The following CBFA2T3 variants were observed in gnomAD, a reference collection of about 807,000 sequenced individuals.
The protein encoded by CBFA2T3 is CBFA2/RUNX1 partner transcriptional co-repressor 3.
CBFA2T3 carries 31 observed loss-of-function variants against 58.6 expected under a neutral mutation model. The ratio of observed to expected loss-of-function variants is 0.53; its 90% CI spans 0.40 to 0.71. The LOEUF (loss-of-function observed/expected upper bound fraction) is 0.71, where lower values mean the gene tolerates loss of function less well. Ranked by LOEUF, CBFA2T3 falls within the 30% of genes least tolerant of loss-of-function variation. The probability of loss-of-function intolerance (pLI) is 0.00; values close to 1 mark genes in which losing one functional copy is unlikely to be tolerated. For missense variants in CBFA2T3, 1,076 were observed against 963.1 expected, an observed-to-expected ratio of 1.12 and a Z score of -1.55; for synonymous variants, 531 against 421.9, an observed-to-expected ratio of 1.26 and a Z score of -3.17.
At chr16:88,907,645 C>T (rs1970383461) in intron 1 of CBFA2T3, among the ~76,000 whole-genome samples, 1 of 152,214 alleles carries the variant, frequency 6.6e-6, no homozygotes, top group Admixed American at 6.5e-5. Flanking sequence ...CCCTTCCCCA[C>T]TGGCCACAGA....
intron 3 of CBFA2T3, among the ~76,000 whole-genome samples, 170 bp downstream of exon 3, chr16:88,897,908 C>T (rs1263067830): frequency 6.6e-6 from 1 of 152,190 alleles, no homozygotes; most frequent in African/African-American, 2.4e-5. Flanking sequence ...CTCTGCCCTC[C>T]TGCGCCCTCT....
chr16:88,926,095 G>A (rs935001959), intron 1 of CBFA2T3, among the ~76,000 whole-genome samples: 6 of 152,150 alleles, frequency 3.9e-5, no homozygotes, highest in Admixed American at 2.0e-4. Context: ...GCGGTCTCAC[G>A]TTCCCCACCT....
chr16:88,965,079 C>G (rs1972464830), intron 1 of CBFA2T3, among the ~76,000 whole-genome samples: 1 of 151,770 alleles, frequency 6.6e-6, no homozygotes. Flanking sequence ...ATCTATCCAC[C>G]CACCCATCTA....
intron 3 of CBFA2T3, among the ~76,000 whole-genome samples, chr16:88,893,682 C>G (rs1178335996): frequency 2.0e-5 from 3 of 152,236 alleles, no homozygotes; most frequent in African/African-American, 7.2e-5. Flanking sequence ...GCCACTGAGA[C>G]GTGACTGCCT....
intron 1 of CBFA2T3, among the ~76,000 whole-genome samples, chr16:88,964,521 G>A (rs12918185): frequency 0.15 from 22,902 of 152,202 alleles, 1,971 homozygotes; most frequent in Middle Eastern, 0.26. Flanking sequence ...GTCAGGTTCC[G>A]TGTGGCTTTC....
intron 3 of CBFA2T3, among the ~76,000 whole-genome samples, chr16:88,897,069 G>T (rs1003895496): frequency 2.0e-5 from 3 of 152,196 alleles, no homozygotes; most frequent in Admixed American, 6.5e-5. Context: ...GAGCCTTGGT[G>T]GGGGGGTCAG....
chr16:88,964,416 G>A (rs1215096759), intron 1 of CBFA2T3, among the ~76,000 whole-genome samples: 1 of 152,204 alleles, frequency 6.6e-6, no homozygotes, highest in Non-Finnish European at 1.5e-5. Context: ...ATTTACTGCT[G>A]GTGAGGCTTC....
At chr16:88,971,958 T>A (rs952027769) in intron 1 of CBFA2T3, among the ~76,000 whole-genome samples, 17 of 152,194 alleles carry the variant, frequency 1.1e-4, no homozygotes, top group African/African-American at 4.1e-4. Flanking sequence ...TGGTGAGAAG[T>A]GAAAGTTGTC....
chr16:88,918,186 T>C (rs780198725), intron 1 of CBFA2T3, among the ~76,000 whole-genome samples: 2 of 152,084 alleles, frequency 1.3e-5, no homozygotes, highest in Non-Finnish European at 2.9e-5. Context: ...GCCTGTGGCT[T>C]TTCTTTCTCA....
intron 1 of CBFA2T3, among the ~76,000 whole-genome samples, chr16:88,965,388 G>C (rs1302288302): frequency 2.0e-5 from 3 of 152,214 alleles, no homozygotes; most frequent in Non-Finnish European, 4.4e-5. Context: ...CAGTTTTTGA[G>C]ACTGTTTAAT....
intron 1 of CBFA2T3, among the ~76,000 whole-genome samples, chr16:88,929,673 A>G (rs111600054): frequency 1.4e-3 from 116 of 83,908 alleles, no homozygotes; most frequent in South Asian, 3.6e-3. Flanking sequence ...CCACGCAAAA[A>G]CTACCAATAC....
chr16:88,901,605 T>C lies in CBFA2T3; in HGVS notation c.203A>G (p.Glu68Gly). Residue 68 changes from glutamate (E) to glycine (G), a missense_variant, in exon 2 of 12, where the codon GAG (glutamate) becomes GGG (glycine). Physicochemically the swap from Glu to Gly is moderately conservative, Grantham distance 98. Transcript: ENST00000268679. ...TGTGGACCGGGGCTGCGTCTTCACCTCCGCTGGGGAGTCCGGCATCGCTGA... is the reference window on the plus strand; with the variant it reads ...TGTGGACCGGGGCTGCGTCTTCACCCCCGCTGGGGAGTCCGGCATCGCTGA... ...KASAMPDSPAEVKTQPRSTPP... is the reference protein window; with the variant it reads ...KASAMPDSPAGVKTQPRSTPP... The C allele has an allele frequency of 6.6e-7, 1 of 1,519,396 alleles. No homozygotes were observed. The highest frequency in any genetic ancestry group is 2.6e-5 in the Admixed American group (1 of 38,504). 94.1% of individuals were successfully genotyped at this position (1,519,396 alleles called of 1,614,324 possible). A position where few individuals can be genotyped will look rare whatever the true frequency, so the allele number is the denominator to read the frequency against.
intron 1 of CBFA2T3, among the ~76,000 whole-genome samples, chr16:88,964,587 G>A (rs1031949571): frequency 4.6e-5 from 7 of 152,194 alleles, no homozygotes; most frequent in South Asian, 4.1e-4. Context: ...TGGGCTGCCC[G>A]ACTGGCTCCC....
chr16:88,910,321 C>T (rs1007198526), intron 1 of CBFA2T3, among the ~76,000 whole-genome samples: 47 of 152,364 alleles, frequency 3.1e-4, no homozygotes, highest in Non-Finnish European at 6.0e-4. Context: ...CCGGCTCTCC[C>T]TGTAGCTCTG....
At chr16:88,891,771 G>T in intron 5 of CBFA2T3, 111 bp downstream of exon 5, 1 of 721,572 alleles carries the variant, frequency 1.4e-6, no homozygotes, top group East Asian at 2.7e-5. Flanking sequence ...CTGCCTATCT[G>T]GCCACTTAAG....
At chr16:88,923,945 C>A (rs899354060) in intron 1 of CBFA2T3, among the ~76,000 whole-genome samples, 4 of 152,218 alleles carry the variant, frequency 2.6e-5, no homozygotes, top group African/African-American at 9.6e-5. Flanking sequence ...AGTGCAAGGA[C>A]CACGAAGACC....
In CBFA2T3 at chr16:88,963,298, C is replaced by T. The variant is rs1382115979; in HGVS notation, c.151+13359G>A. On this transcript the variant is annotated intron_variant, in intron 1 of 11. Coordinates refer to ENST00000268679, the MANE Select transcript of CBFA2T3 (RefSeq NM_005187.6). ...GCTCGTCTTCTGCCAGGGGTGGGCG[C>T]TCATCTTCTGCCAGGGGCGGGCGCT... Among the ~76,000 whole-genome samples the T allele has an allele frequency of 2.7e-5, 4 of 147,998 alleles. No homozygotes were observed. The East Asian group carries it at 7.9e-4, about 29-fold the overall frequency.
At chr16:88,913,733 ACAGCATCGT>A (rs1970600992) in intron 1 of CBFA2T3, among the ~76,000 whole-genome samples, 1 of 152,242 alleles carries the variant, frequency 6.6e-6, no homozygotes, top group Non-Finnish European at 1.5e-5. Context: ...GATGTTTGTC[ACAGCATCGT>A]TTATGAGAAT....
intron 1 of CBFA2T3, among the ~76,000 whole-genome samples, chr16:88,943,610 G>C (rs1237500053): frequency 6.6e-6 from 1 of 152,220 alleles, no homozygotes; most frequent in Admixed American, 6.5e-5. Flanking sequence ...AGCGGTCACA[G>C]GGTGGTCAGA....
Sources: gnomAD v4.1 joint callset for allele counts (sites outside exome capture counted in the v4.1 genomes callset) on GRCh38, gnomAD v4.1.1 for gene constraint, MANE v1.5 for transcripts, NCBI Gene and HGNC (gene_info 2026-07-23, HGNC 2026-07-21) for gene names.